PRH1: variants seen among roughly 807,000 people sequenced by gnomAD.
The protein encoded by PRH1 is salivary acidic proline-rich phosphoprotein 1/2.
A neutral mutation model predicts 7.9 loss-of-function variants in PRH1; 7 were observed. The observed-to-expected ratio is 0.89, with a 90% confidence interval of 0.50 to 1.67. The LOEUF is 1.67. Among genes scored for constraint, PRH1 ranks in the 40% most tolerant of loss-of-function variants. PRH1 has a pLI of 0.00. For synonymous variants in PRH1, 45 were observed against 80.8 expected (o/e 0.56, Z 2.38); for missense variants, 109 against 223.6 (o/e 0.49, Z 3.27).
chr12:11,108,168 G>A (rs891821515), intron 1 of PRH1, among the ~76,000 whole-genome samples: 7 of 152,128 alleles, frequency 4.6e-5, no homozygotes, highest in Non-Finnish European at 7.4e-5. Context: ...ATCTGTCCTA[G>A]AAAAATTTCA....
chr12:10,937,207 TCTC>T (rs1950302264), intron 2 of PRH1, among the ~76,000 whole-genome samples: 2 of 872 alleles, frequency 2.3e-3, no homozygotes, highest in Non-Finnish European at 0.05. Context: ...ATTTTATTTC[TCTC>T]TCTCTCTCTC....
chr12:11,020,873 C>T (rs536664669), intron 1 of PRH1, among the ~76,000 whole-genome samples: 1 of 152,094 alleles, frequency 6.6e-6, no homozygotes, highest in East Asian at 1.9e-4. Context: ...AAATACTTGA[C>T]ATCAGATGTC....
At chr12:11,015,838 T>C (rs1314199521) in intron 1 of PRH1, among the ~76,000 whole-genome samples, 1 of 152,202 alleles carries the variant, frequency 6.6e-6, no homozygotes, top group East Asian at 1.9e-4. Flanking sequence ...TATTTTCTCT[T>C]ATCTCCCCTT....
At chr12:11,057,889 C>T (rs35605594) in intron 1 of PRH1, among the ~76,000 whole-genome samples, 1 of 152,212 alleles carries the variant, frequency 6.6e-6, no homozygotes, top group South Asian at 2.1e-4. Flanking sequence ...TATGTCAGGA[C>T]TATGTCACTT....
upstream of PRH1, among the ~76,000 whole-genome samples, chr12:11,047,499 C>T (rs1327378403): frequency 7.0e-6 from 1 of 143,396 alleles, no homozygotes; most frequent in South Asian, 2.2e-4. Context: ...AAATACTTGA[C>T]ATCAGATGTC....
chr12:11,150,061 A>G (rs1268948455), intron 1 of PRH1, among the ~76,000 whole-genome samples: 3 of 142,682 alleles, frequency 2.1e-5, no homozygotes, highest in African/African-American at 7.6e-5. Flanking sequence ...CAAAAAACAC[A>G]TGAAAAAATG....
At chr12:10,881,733 G>C (rs1267498843) in intron 3 of PRH1, among the ~76,000 whole-genome samples, 1 of 152,176 alleles carries the variant, frequency 6.6e-6, no homozygotes, top group Admixed American at 6.5e-5. Context: ...GGTTCAGTGA[G>C]ATTAGTTTTT....
rs372351741 is a variant in PRH1 at position 11,134,143 on chromosome 12, C to G, written n.40-12963G>C. On this transcript the variant is annotated intron_variant and non_coding_transcript_variant, in intron 1 of 1. Transcript: ENST00000541175. ...AGGAGATCTTTTGTCTCTTGACCCA[C>G]TCAATGGAATTTACCAATGCTATGA... The G allele has an allele frequency of 1.2e-5, 19 of 1,613,976 alleles. No individual in the cohort carries two copies. Among genetic ancestry groups the G allele is most frequent in the Middle Eastern group, 1.6e-4 (1 of 6,084 alleles).
rs986229813 is a variant in PRH1, at chr12:11,168,194, A to C, written n.39+3228T>G. The stretch of plus-strand genomic sequence containing the variant: ...TATATGTACATATTAAAGCCATGGC[A>C]AAAAACGAAAGAAAGAAAGAAGAAA... On this transcript the variant is annotated intron_variant and non_coding_transcript_variant, in intron 1 of 1. Coordinates refer to the PRH1 transcript ENST00000541175. 1.1e-4 allele frequency among the ~76,000 whole-genome samples: 6 copies of C among 53,208 alleles called. 1 individual carries two copies. Among genetic ancestry groups the C allele is most frequent in the Non-Finnish European group, 1.1e-4 (2 of 18,274 alleles). 34.9% of individuals were successfully genotyped at this position (53,208 alleles called of 152,430 possible).
intron 2 of PRH1, chr12:10,932,158 A>G: frequency 5.0e-6 from 2 of 398,524 alleles, no homozygotes; most frequent in South Asian, 1.7e-5. Context: ...CACCGCAGTA[A>G]ACCAATGAGG....
At chr12:10,993,783 G>C (rs1025139160) in intron 1 of PRH1, among the ~76,000 whole-genome samples, 10 of 150,532 alleles carry the variant, frequency 6.6e-5, no homozygotes, top group African/African-American at 2.4e-4. Flanking sequence ...TGCTCATTGT[G>C]ACAGATAATC....
chr12:10,939,085 G>T (rs1443490690), intron 2 of PRH1: 1 of 1,613,988 alleles, frequency 6.2e-7, no homozygotes, highest in South Asian at 1.1e-5. Context: ...CAACCGAAGA[G>T]ATCTTTCTTC....
intron 1 of PRH1, among the ~76,000 whole-genome samples, chr12:11,161,898 T>C (rs1328679347): frequency 6.6e-6 from 1 of 152,164 alleles, no homozygotes; most frequent in Non-Finnish European, 1.5e-5. Flanking sequence ...AGGACAACCA[T>C]TTTGGAAATT....
In PRH1 at chr12:11,137,080, T is replaced by G. The variant is rs34265594; in HGVS notation, n.40-15900A>C. On this transcript the variant is annotated intron_variant and non_coding_transcript_variant, in intron 1 of 1. Transcript: ENST00000541175. ...TGAGTAGCTTTTTTTGGATAGTAGC[T>G]TGTCTGTTGCTGGGTCATCACCACA... is the stretch of plus-strand genomic sequence containing the variant. Among the ~76,000 whole-genome samples, 657 of 152,282 alleles carry G rather than the reference T, an allele frequency of 4.3e-3. 5 individuals carry two copies. Among genetic ancestry groups the G allele is most frequent in the African/African-American group, 0.015 (635 of 41,556 alleles).
At chr12:10,999,097 A>C (rs1469536390) in intron 1 of PRH1, among the ~76,000 whole-genome samples, 1 of 152,118 alleles carries the variant, frequency 6.6e-6, no homozygotes, top group Non-Finnish European at 1.5e-5. Context: ...ACCAAACCCC[A>C]GCTTAAGAAA....
intron 1 of PRH1, among the ~76,000 whole-genome samples, chr12:11,168,417 A>G (rs927947129): frequency 1.3e-5 from 2 of 148,478 alleles, no homozygotes; most frequent in African/African-American, 5.0e-5. Flanking sequence ...AGAAAGAAAG[A>G]AAGGAAAAGA....
In PRH1 at chr12:11,073,297, AT is replaced by A. The variant is rs550930561; in HGVS notation, n.124-26110del. Among the ~76,000 whole-genome samples, 309 of 45,386 alleles carry A rather than the reference AT, an allele frequency of 6.8e-3. 21 individuals are homozygous for A. Among genetic ancestry groups the A allele is most frequent in the South Asian group, 0.066 (87 of 1,318 alleles). The allele number at this position is 45,386 out of a possible 152,430, so 29.8% of individuals were successfully genotyped here. A position where few individuals can be genotyped will look rare whatever the true frequency, so the allele number is the denominator to read the frequency against. ...CAGCCATGTGCTACCATGCCTGGCA[AT>A]TTTTTTTTTTTTTAAAGTAGAGACC... On this transcript the variant is annotated intron_variant and non_coding_transcript_variant, in intron 1 of 4. Coordinates refer to the PRH1 transcript ENST00000541977.
At chr12:11,153,307 G>C (rs1009550877) in intron 1 of PRH1, among the ~76,000 whole-genome samples, 1 of 152,148 alleles carries the variant, frequency 6.6e-6, no homozygotes, top group East Asian at 1.9e-4. Context: ...CTTCAAAAAA[G>C]TCCTTATCTC....
chr12:11,046,061 T>C (rs543142450), intron 1 of PRH1, among the ~76,000 whole-genome samples: 1 of 147,660 alleles, frequency 6.8e-6, no homozygotes, highest in Admixed American at 6.8e-5. Flanking sequence ...TCTGCCAAAA[T>C]AGTTATTTTT....
Sources: allele counts gnomAD v4.1 joint callset (sites outside exome capture counted in the v4.1 genomes callset), GRCh38; gene constraint gnomAD v4.1.1; transcripts MANE v1.5; gene names NCBI Gene and HGNC (gene_info 2026-07-23, HGNC 2026-07-21).